TSPAN18: variants seen among roughly 807,000 people sequenced by gnomAD.
TSPAN18 encodes the protein tetraspanin 18.
In TSPAN18, 14 loss-of-function variants were observed where a neutral mutation model predicts 27.3. That is an observed-to-expected ratio of 0.51 (90% CI 0.34 to 0.80). The LOEUF (loss-of-function observed/expected upper bound fraction) is 0.80, where lower values mean the gene tolerates loss of function less well. Ranked by LOEUF, TSPAN18 falls within the 30% of genes least tolerant of loss-of-function variation. The pLI, the probability that TSPAN18 is intolerant of heterozygous loss-of-function variation, is 0.01. For missense variants in TSPAN18, 268 were observed against 323.9 expected, an observed-to-expected ratio of 0.83 and a Z score of 1.32; for synonymous variants, 143 against 136.5, an observed-to-expected ratio of 1.05 and a Z score of -0.33.
chr11:44,788,316 G>A (rs1856108091), intron 2 of TSPAN18, among the ~76,000 whole-genome samples: 1 of 152,156 alleles, frequency 6.6e-6, no homozygotes, highest in Admixed American at 6.5e-5. Context: ...CAATACGAGA[G>A]CCACTTGCAC....
chr11:44,877,139 C>T (rs766205875), intron 3 of TSPAN18, among the ~76,000 whole-genome samples: 2 of 152,238 alleles, frequency 1.3e-5, no homozygotes, highest in Admixed American at 6.5e-5. Flanking sequence ...TGTCAGCTGA[C>T]AAAAGTGGCC....
intron 3 of TSPAN18, among the ~76,000 whole-genome samples, chr11:44,902,348 C>G (rs956929361): frequency 5.9e-5 from 9 of 152,204 alleles, no homozygotes; most frequent in Admixed American, 4.6e-4. Context: ...GACTTCAGAG[C>G]CCATGCTTAG....
At chr11:44,889,354 G>T (rs1858767460) in intron 3 of TSPAN18, among the ~76,000 whole-genome samples, 2 of 151,592 alleles carry the variant, frequency 1.3e-5, no homozygotes, top group African/African-American at 4.9e-5. Flanking sequence ...ATAGGCTCCA[G>T]CAGGGCTCAC....
chr11:44,811,093 CT>C (rs930522524), intron 2 of TSPAN18, among the ~76,000 whole-genome samples: 1 of 151,024 alleles, frequency 6.6e-6, no homozygotes, highest in African/African-American at 2.4e-5. Context: ...AGTTGAAACT[CT>C]TTTATATCCC....
intron 2 of TSPAN18, among the ~76,000 whole-genome samples, chr11:44,840,185 C>A (rs1255049281): frequency 6.6e-6 from 1 of 152,192 alleles, no homozygotes; most frequent in Non-Finnish European, 1.5e-5. Flanking sequence ...AGGGGCTGAT[C>A]ATGCATGACC....
chr11:44,796,437 A>C (rs1423301089), intron 2 of TSPAN18, among the ~76,000 whole-genome samples: 1 of 152,100 alleles, frequency 6.6e-6, no homozygotes. Context: ...CTCCCTTCAC[A>C]CGGTGGAGAT....
At chr11:44,843,711 T>C (rs1189438743) in intron 2 of TSPAN18, among the ~76,000 whole-genome samples, 1 of 152,192 alleles carries the variant, frequency 6.6e-6, no homozygotes, top group Admixed American at 6.5e-5. Flanking sequence ...CGCATTCTCT[T>C]TCTCAGGGAC....
chr11:44,921,571 C>T (rs1411987880), intron 8 of TSPAN18, among the ~76,000 whole-genome samples: 1 of 152,182 alleles, frequency 6.6e-6, no homozygotes, highest in Non-Finnish European at 1.5e-5. Flanking sequence ...GCCCACCCCT[C>T]CTTTTTTCTC....
At chr11:44,765,632 G>A (rs1855552109) in intron 2 of TSPAN18, among the ~76,000 whole-genome samples, 1 of 152,178 alleles carries the variant, frequency 6.6e-6, no homozygotes, top group Admixed American at 6.5e-5. Flanking sequence ...TAAGTGACTT[G>A]TCTAAGGTCA....
intron 2 of TSPAN18, among the ~76,000 whole-genome samples, chr11:44,773,893 G>T (rs1855745848): frequency 6.6e-6 from 1 of 152,182 alleles, no homozygotes; most frequent in African/African-American, 2.4e-5. Flanking sequence ...ACCCGTGCTT[G>T]GGGTTATGGA....
intron 5 of TSPAN18, 29 bp from the exon 6 acceptor site, chr11:44,917,943 G>C: frequency 6.2e-7 from 1 of 1,613,214 alleles, no homozygotes; most frequent in Non-Finnish European, 8.5e-7. Context: ...CTGCCCTCTG[G>C]GCTCACAAGG....
In TSPAN18 at chr11:44,916,730, G is replaced by GGGCAGGCA. The variant is rs1324482777; in HGVS notation, c.259-1230_259-1223dup. 1.1e-4 allele frequency among the ~76,000 whole-genome samples: 16 copies of GGGCAGGCA among 152,204 alleles called. No individual in the cohort carries two copies. In the South Asian group the frequency reaches 3.3e-3, roughly 32 times the overall value. On this transcript the variant is annotated intron_variant, in intron 5 of 9. Coordinates refer to ENST00000520358, the MANE Select transcript of TSPAN18 (RefSeq NM_130783.5). ...GCCTCCTTCCAGCCTGGCACATCGGGGGCAGGCAGGCAGGCAGGCGGTCCT... is the reference window on the plus strand; with the variant it reads ...GCCTCCTTCCAGCCTGGCACATCGGGGGCAGGCAGGCAGGCAGGCAGGCAGGCGGTCCT...
chr11:44,757,883 A>G (rs943243183), intron 1 of TSPAN18, among the ~76,000 whole-genome samples: 2 of 152,196 alleles, frequency 1.3e-5, no homozygotes, highest in Non-Finnish European at 2.9e-5. Context: ...TGTGAGATAT[A>G]TGATTTGCAA....
chr11:44,733,953 T>TGTGGGGGTGGTGTTTGGGTC (rs1295377425), intron 1 of TSPAN18, among the ~76,000 whole-genome samples: 1 of 152,130 alleles, frequency 6.6e-6, no homozygotes, highest in Admixed American at 6.5e-5. Flanking sequence ...TGTTGGAGGT[T>TGTGGGGGTGGTGTTTGGGTC]GTGGGGGTGG....
intron 2 of TSPAN18, among the ~76,000 whole-genome samples, chr11:44,845,320 C>A (rs1857458283): frequency 6.6e-6 from 1 of 152,196 alleles, no homozygotes; most frequent in Non-Finnish European, 1.5e-5. Context: ...TTTAATGAGA[C>A]CTACAACTTA....
At chr11:44,762,615 A>G (rs1031705133) in intron 1 of TSPAN18, among the ~76,000 whole-genome samples, 5 of 149,868 alleles carry the variant, frequency 3.3e-5, no homozygotes, top group Non-Finnish European at 5.9e-5. Flanking sequence ...ATATACACAT[A>G]TGTGTGTGTG....
intron 2 of TSPAN18, among the ~76,000 whole-genome samples, chr11:44,792,323 GCAGGCAGAGGGGACCGCAGGCA>G (rs1856245804): frequency 6.6e-6 from 1 of 152,184 alleles, no homozygotes; most frequent in Non-Finnish European, 1.5e-5. Context: ...GGGGACAGTC[GCAGGCAGAGGGGACCGCAGGCA>G]CGCACGGCCT....
intron 2 of TSPAN18, among the ~76,000 whole-genome samples, chr11:44,792,214 G>A (rs1856241692): frequency 6.6e-6 from 1 of 152,164 alleles, no homozygotes; most frequent in Non-Finnish European, 1.5e-5. Flanking sequence ...AGTGAGTGAT[G>A]CCGGGGGAAG....
chr11:44,819,025 G>C (rs556994443), intron 2 of TSPAN18, among the ~76,000 whole-genome samples: 1 of 152,176 alleles, frequency 6.6e-6, no homozygotes, highest in Admixed American at 6.5e-5. Context: ...GTCTCCCCAG[G>C]TCCCAGTTTC....
Sources: gnomAD v4.1 joint callset for allele counts (sites outside exome capture counted in the v4.1 genomes callset) on GRCh38, gnomAD v4.1.1 for gene constraint, MANE v1.5 for transcripts, NCBI Gene and HGNC (gene_info 2026-07-23, HGNC 2026-07-21) for gene names.